Variants in RNLS observed in about 807,000 individuals in gnomAD.
RNLS encodes renalase, FAD dependent amine oxidase.
Under a neutral mutation model 39.8 loss-of-function variants are expected in RNLS, and 39 were observed. The observed-to-expected ratio is 0.98, with a 90% CI of 0.76 to 1.28. The LOEUF (loss-of-function observed/expected upper bound fraction) is 1.28, where lower values mean the gene tolerates loss of function less well. RNLS is among the 50% of genes most tolerant of loss of function. The pLI is 0.00. For synonymous variants in RNLS, 147 were observed against 150.7 expected (o/e 0.98, Z 0.18); for missense variants, 410 against 413.3 (o/e 0.99, Z 0.07).
intron 4 of RNLS, among the ~76,000 whole-genome samples, chr10:88,529,964 C>T (rs1211901903): frequency 2.0e-5 from 3 of 152,198 alleles, no homozygotes; most frequent in African/African-American, 7.2e-5. Context: ...CATAGGTATA[C>T]ACCATATAGT....
the RNLS span, among the ~76,000 whole-genome samples, chr10:88,255,908 C>T: frequency 2.1e-4 from 32 of 152,216 alleles, no homozygotes; most frequent in African/African-American, 6.5e-4. Context: ...TGAGGATTCT[C>T]ACATGCCCCT....
the RNLS span, among the ~76,000 whole-genome samples, chr10:88,185,655 A>G: frequency 1.3e-5 from 2 of 152,096 alleles, no homozygotes; most frequent in East Asian, 3.9e-4. Context: ...TTTCTTTATT[A>G]AACAGACACA....
intron 4 of RNLS, among the ~76,000 whole-genome samples, chr10:88,502,407 G>T (rs1418009651): frequency 6.6e-6 from 1 of 152,032 alleles, no homozygotes; most frequent in East Asian, 1.9e-4. Context: ...GTTAAAAAGA[G>T]CATGGCTTCC....
At chr10:88,560,011 A>C (rs1307003250) in intron 4 of RNLS, among the ~76,000 whole-genome samples, 2 of 152,076 alleles carry the variant, frequency 1.3e-5, no homozygotes, top group Non-Finnish European at 2.9e-5. Context: ...ACATGTATAA[A>C]TATGTGATGA....
chr10:88,331,520 G>A (rs1439643377), intron 5 of RNLS, among the ~76,000 whole-genome samples: 1 of 152,206 alleles, frequency 6.6e-6, no homozygotes, highest in Non-Finnish European at 1.5e-5. Flanking sequence ...TGGGGGAAAT[G>A]AAACACATGC....
intron 4 of RNLS, among the ~76,000 whole-genome samples, chr10:88,501,188 A>G (rs1293756241): frequency 6.6e-6 from 1 of 152,048 alleles, no homozygotes; most frequent in Non-Finnish European, 1.5e-5. Context: ...TTAACTCCAT[A>G]CCAAAAGGAA....
At chr10:88,182,653 TTCTC>T in the RNLS span, among the ~76,000 whole-genome samples, 6 of 151,886 alleles carry the variant, frequency 4.0e-5, no homozygotes, top group African/African-American at 1.2e-4. Flanking sequence ...CAGTGAAACT[TTCTC>T]TCTCTCTCTC....
intron 3 of RNLS, among the ~76,000 whole-genome samples, chr10:88,578,953 G>GT (rs1430725033): frequency 6.6e-6 from 1 of 152,094 alleles, no homozygotes; most frequent in African/African-American, 2.4e-5. Context: ...AAAAGGATAT[G>GT]TGTATGTATG....
At chr10:88,217,276 G>T in the RNLS span, among the ~76,000 whole-genome samples, 1 of 152,178 alleles carries the variant, frequency 6.6e-6, no homozygotes, top group African/African-American at 2.4e-5. Flanking sequence ...GACAGTCAGG[G>T]ACAGACCACT....
At chr10:88,348,636 A>G (rs531569035) in intron 5 of RNLS, among the ~76,000 whole-genome samples, 3 of 152,298 alleles carry the variant, frequency 2.0e-5, no homozygotes, top group South Asian at 2.1e-4. Flanking sequence ...TATTTCTTGG[A>G]CATTTCATGA....
intron 4 of RNLS, among the ~76,000 whole-genome samples, chr10:88,532,808 T>C (rs577355408): frequency 3.3e-5 from 5 of 152,002 alleles, no homozygotes; most frequent in Admixed American, 6.6e-5. Context: ...GCAATGAAAA[T>C]AGAGATGGCA....
chr10:88,332,134 T>C (rs1237329489), intron 5 of RNLS, among the ~76,000 whole-genome samples: 1 of 152,342 alleles, frequency 6.6e-6, no homozygotes, highest in East Asian at 1.9e-4. Context: ...CCTGCAGATT[T>C]TACTTGCTTT....
At position 88,322,795 on chromosome 10, in the gene RNLS, G is replaced by A. The variant is rs557092746; in HGVS notation, c.701-8154C>T. Reference sequence around the variant, plus strand: ...GAAGTCCTAGTCAGAGCAATTAGGTGTGAAGAAGATATAAAAGTAATACAA... The same window carrying A: ...GAAGTCCTAGTCAGAGCAATTAGGTATGAAGAAGATATAAAAGTAATACAA... On this transcript the variant is annotated intron_variant, in intron 5 of 6. Transcript: ENST00000331772. Among the ~76,000 whole-genome samples the A allele has an allele frequency of 8.5e-5, 13 of 152,238 alleles. No homozygotes were observed. The East Asian group carries it at 2.5e-3, about 29-fold the overall frequency.
At chr10:88,367,004 TA>T (rs1276868766) in intron 4 of RNLS, among the ~76,000 whole-genome samples, 1 of 151,924 alleles carries the variant, frequency 6.6e-6, no homozygotes, top group East Asian at 1.9e-4. Context: ...ACTAACTCAT[TA>T]AAACTTCATT....
intron 4 of RNLS, among the ~76,000 whole-genome samples, chr10:88,381,858 A>G (rs1851523535): frequency 6.6e-6 from 1 of 151,526 alleles, no homozygotes; most frequent in Non-Finnish European, 1.5e-5. Context: ...CCCAGCTGAT[A>G]TAATGGTCTT....
At chr10:88,365,576 GTTATATA>G (rs200909137) in intron 4 of RNLS, among the ~76,000 whole-genome samples, 2,591 of 149,446 alleles carry the variant, frequency 0.017, 88 homozygotes, top group African/African-American at 0.06. Flanking sequence ...TGTAGGATAT[GTTATATA>G]TTATATATAA....
chr10:88,420,002 C>T (rs976884513), intron 4 of RNLS, among the ~76,000 whole-genome samples: 2 of 147,610 alleles, frequency 1.4e-5, no homozygotes, highest in East Asian at 3.9e-4. Flanking sequence ...AAGTGTGAAA[C>T]TCCATCTCAA....
intron 5 of RNLS, among the ~76,000 whole-genome samples, chr10:88,327,992 T>A (rs1290512187): frequency 6.6e-6 from 1 of 152,224 alleles, no homozygotes; most frequent in Non-Finnish European, 1.5e-5. Flanking sequence ...CACTGCAACC[T>A]CTGCCTCCCA....
intron 6 of RNLS, among the ~76,000 whole-genome samples, chr10:88,286,097 C>T (rs758430413): frequency 2.3e-4 from 35 of 152,190 alleles, no homozygotes; most frequent in Non-Finnish European, 4.3e-4. Context: ...GTTTATCAGC[C>T]ACCCACTCTA....
Sources: allele counts gnomAD v4.1 joint callset (sites outside exome capture counted in the v4.1 genomes callset), GRCh38; gene constraint gnomAD v4.1.1; transcripts MANE v1.5; gene names NCBI Gene and HGNC (gene_info 2026-07-23, HGNC 2026-07-21).